The following R3HDM1 variants were observed in gnomAD, a reference collection of about 807,000 sequenced individuals.
R3HDM1 encodes the protein R3H domain-containing protein 1.
In R3HDM1, 46 loss-of-function variants were observed where a neutral mutation model predicts 141.1. The ratio of observed to expected loss-of-function variants is 0.33; its 90% CI spans 0.26 to 0.42. The LOEUF (loss-of-function observed/expected upper bound fraction) is 0.42, where lower values mean the gene tolerates loss of function less well. Among genes scored for constraint, R3HDM1 ranks in the 10% least tolerant of loss-of-function variants. The pLI is 1.00. For missense variants in R3HDM1, 1,184 were observed against 1,368.3 expected (o/e 0.87, Z 2.12); for synonymous variants, 435 against 472.9 (o/e 0.92, Z 1.04).
At chr2:135,648,233 G>T (rs1216621767) in intron 16 of R3HDM1, among the ~76,000 whole-genome samples, 1 of 152,042 alleles carries the variant, frequency 6.6e-6, no homozygotes, top group Non-Finnish European at 1.5e-5. Context: ...TTTACTGAAA[G>T]ATTTTTTTAA....
At chr2:135,580,546 T>G (rs927259745) in intron 1 of R3HDM1, among the ~76,000 whole-genome samples, 2 of 152,238 alleles carry the variant, frequency 1.3e-5, no homozygotes, top group African/African-American at 4.8e-5. Flanking sequence ...CTTAGAGGAC[T>G]CATCCATTTG....
At chr2:135,591,505 A>G (rs1042468066) in intron 1 of R3HDM1, among the ~76,000 whole-genome samples, 1 of 152,228 alleles carries the variant, frequency 6.6e-6, no homozygotes, top group Non-Finnish European at 1.5e-5. Flanking sequence ...TGGCATTCTG[A>G]ATGGCTAAAT....
chr2:135,697,285 A>G (rs1237673500), intron 21 of R3HDM1, among the ~76,000 whole-genome samples: 1 of 152,222 alleles, frequency 6.6e-6, no homozygotes, highest in Non-Finnish European at 1.5e-5. Flanking sequence ...TCAGAAAACT[A>G]CAGCCCACAA....
Position 135,709,429 on chromosome 2 carries a change from A to G in R3HDM1, c.2460-4A>G, listed in dbSNP as rs541240344. 9.3e-6 allele frequency: 15 copies of G among 1,613,642 alleles called. No homozygotes were observed. Among genetic ancestry groups the G allele is most frequent in the East Asian group, 4.5e-5 (2 of 44,860 alleles). ...ATTATGCTGTTTTTTTGTTTTTTCC[A>G]TAGCTCTTCAGTAGGTTACCTGCAA... On this transcript the variant is annotated splice_region_variant and splice_polypyrimidine_tract_variant and intron_variant, in intron 21 of 26. Transcript: ENST00000683871.
chr2:135,548,312 A>G (rs1699159560), intron 1 of R3HDM1, among the ~76,000 whole-genome samples: 1 of 152,120 alleles, frequency 6.6e-6, no homozygotes, highest in Admixed American at 6.6e-5. Context: ...ATATTAATCC[A>G]TGTTTTATGC....
intron 5 of R3HDM1, 54 bp from the exon 6 acceptor site, chr2:135,621,440 A>G (rs1475405868): frequency 4.6e-6 from 5 of 1,083,226 alleles, no homozygotes; most frequent in Non-Finnish European, 5.3e-6. Flanking sequence ...AATGTGTGGT[A>G]TTAAATGAAT....
intron 1 of R3HDM1, among the ~76,000 whole-genome samples, chr2:135,594,297 C>T (rs1451938694): frequency 2.6e-5 from 4 of 152,108 alleles, no homozygotes; most frequent in Admixed American, 1.3e-4. Context: ...TTTTAAATTA[C>T]GTTTCTTAAG....
At chr2:135,692,785 G>T (rs1338027438) in intron 21 of R3HDM1, among the ~76,000 whole-genome samples, 1 of 152,154 alleles carries the variant, frequency 6.6e-6, no homozygotes, top group African/African-American at 2.4e-5. Flanking sequence ...GCATCAGGTG[G>T]TGGCACCCTC....
intron 21 of R3HDM1, among the ~76,000 whole-genome samples, chr2:135,693,976 C>G (rs2072839736): frequency 6.6e-6 from 1 of 152,002 alleles, no homozygotes; most frequent in African/African-American, 2.4e-5. Context: ...TGCACTCCAG[C>G]CTGGGGAACA....
chr2:135,711,160 C>T, intron 23 of R3HDM1, among the ~76,000 whole-genome samples: 1 of 152,288 alleles, frequency 6.6e-6, no homozygotes, highest in East Asian at 1.9e-4. Flanking sequence ...GCCTCTAACC[C>T]TAGCTACTAG....
chr2:135,545,111 G>A (rs1698410967), intron 1 of R3HDM1, among the ~76,000 whole-genome samples: 2 of 152,162 alleles, frequency 1.3e-5, no homozygotes, highest in African/African-American at 4.8e-5. Flanking sequence ...TTAAAACTCT[G>A]TATTATTCCA....
In R3HDM1 at chr2:135,609,725, G is replaced by A. The variant is rs114768247; in HGVS notation, c.171+4709G>A. Among the ~76,000 whole-genome samples the A allele has an allele frequency of 3.0e-3, 458 of 152,092 alleles. 2 individuals carry two copies. Among genetic ancestry groups the A allele is most frequent in the African/African-American group, 0.01 (428 of 41,494 alleles). On this transcript the variant is annotated intron_variant, in intron 3 of 26. Coordinates refer to ENST00000683871, the MANE Select transcript of R3HDM1 (RefSeq NM_001378107.1). ...GTTTCCATTGTTTGATTTTCTTCGC[G>A]GATAGGTTTTTCAGATTACAATTAG...
At chr2:135,556,138 T>C (rs1700720735) in intron 1 of R3HDM1, among the ~76,000 whole-genome samples, 1 of 152,186 alleles carries the variant, frequency 6.6e-6, no homozygotes, top group Admixed American at 6.5e-5. Context: ...TACTGTATGA[T>C]TCCAGGCATA....
chr2:135,585,483 T>C (rs1174020295), intron 1 of R3HDM1, among the ~76,000 whole-genome samples: 1 of 152,198 alleles, frequency 6.6e-6, no homozygotes, highest in Non-Finnish European at 1.5e-5. Context: ...TGTATGCTTT[T>C]GGAAAGTATG....
intron 1 of R3HDM1, among the ~76,000 whole-genome samples, chr2:135,548,217 T>G (rs1699140719): frequency 6.6e-6 from 1 of 152,236 alleles, no homozygotes; most frequent in African/African-American, 2.4e-5. Context: ...ATATTTCATT[T>G]TATTTTGAAA....
chr2:135,579,663 AC>A (rs1234130906), intron 1 of R3HDM1, among the ~76,000 whole-genome samples: 4 of 151,750 alleles, frequency 2.6e-5, no homozygotes, highest in African/African-American at 9.7e-5. Context: ...AATCTGAGAC[AC>A]GCCAGCGTCA....
chr2:135,709,625 C>A, intron 22 of R3HDM1, 89 bp downstream of exon 22: 1 of 1,484,200 alleles, frequency 6.7e-7, no homozygotes, highest in South Asian at 1.2e-5. Context: ...AAAAGCTTCT[C>A]AATTTGTGAT....
rs980941191 is a variant in R3HDM1, at chr2:135,531,646, C to G, written c.-250+13C>G. ...CTCAGTAACGCGGGTAAGAGATGCC[C>G]TTCCCTCCCCCGTCCAGCTCCCCGG... is the stretch of plus-strand genomic sequence containing the variant. On this transcript the variant is annotated intron_variant, in intron 1 of 26. Coordinates refer to ENST00000683871, the MANE Select transcript of R3HDM1 (RefSeq NM_001378107.1). The G allele has an allele frequency of 3.0e-5, 30 of 986,196 alleles. No homozygotes were observed. Among genetic ancestry groups the G allele is most frequent in the Non-Finnish European group, 3.5e-5 (29 of 830,260 alleles). The allele number at this position is 986,196 out of a possible 1,614,324, so 61.1% of individuals were successfully genotyped here.
chr2:135,630,296 AAAAAAAAAAAAAC>A (rs2062557466), intron 7 of R3HDM1, among the ~76,000 whole-genome samples: 2 of 145,926 alleles, frequency 1.4e-5, no homozygotes, highest in South Asian at 2.1e-4. Flanking sequence ...AAAAAAAAAA[AAAAAAAAAAAAAC>A]AAAAAAAAAA....
Sources: allele counts gnomAD v4.1 joint callset (sites outside exome capture counted in the v4.1 genomes callset), GRCh38; gene constraint gnomAD v4.1.1; transcripts MANE v1.5; gene names NCBI Gene and HGNC (gene_info 2026-07-23, HGNC 2026-07-21).